Variants in NPIPB4 observed in about 807,000 individuals in gnomAD.
NPIPB4 encodes the protein nuclear pore complex-interacting protein family member B4.
For synonymous variants in NPIPB4, 31 were observed against 194.1 expected, an observed-to-expected ratio of 0.16 and a Z score of 6.99; for missense variants, 105 against 513.7, an observed-to-expected ratio of 0.20 and a Z score of 7.69.
chr16:21,836,531 T>C lies in NPIPB4; in HGVS notation c.1856A>G (p.Lys619Arg). ...SAPPSADDNI[K>R]TPAFHPQRMI... The stretch of plus-strand genomic sequence containing the variant: ...CCGCTGAGGGTGGAAGGCAGGTGTC[T>C]TGATGTTATCATCTGCTGAGGGTGG... The change falls in exon 8 of 8, where the codon AAG becomes AGG. Residue 619 changes from lysine (K) to arginine (R), a missense_variant. Lys to Arg is a conservative substitution (Grantham distance 26). Transcript: ENST00000682606. 1 of 1,475,748 alleles carries C rather than the reference T, an allele frequency of 6.8e-7. No homozygotes were observed. Among genetic ancestry groups the C allele is most frequent in the Non-Finnish European group, 9.0e-7 (1 of 1,116,662 alleles). The allele number at this position is 1,475,748 out of a possible 1,614,324, so 91.4% of individuals were successfully genotyped here.
chr16:21,836,540 T>G lies in NPIPB4; in HGVS notation c.1847A>C (p.Asp616Ala). ...GTGGAAGGCAGGTGTCTTGATGTTA[T>G]CATCTGCTGAGGGTGGAGCTGAGGG... Reference protein sequence around the residue: ...LPPSAPPSADDNIKTPAFHPQ... With the variant: ...LPPSAPPSADANIKTPAFHPQ... Residue 616 changes from aspartate (D) to alanine (A), a missense_variant, in exon 8 of 8, where the codon GAT becomes GCT. Asp to Ala is a moderately radical substitution (Grantham distance 126). Coordinates refer to ENST00000682606, the MANE Select transcript of NPIPB4 (RefSeq NM_001384980.1). 1 of 1,503,568 alleles carries G rather than the reference T, an allele frequency of 6.7e-7. No homozygotes were observed. Among genetic ancestry groups the G allele is most frequent in the Non-Finnish European group, 8.8e-7 (1 of 1,131,656 alleles). 93.1% of individuals were successfully genotyped at this position (1,503,568 alleles called of 1,614,324 possible).
chr16:21,840,697 T>G, intron 5 of NPIPB4: 1 of 436,186 alleles, frequency 2.3e-6, no homozygotes, highest in Non-Finnish European at 3.0e-6. Context: ...TTAGTAAATA[T>G]AAAGACTATT....
intron 5 of NPIPB4, among the ~76,000 whole-genome samples, chr16:21,841,834 AG>A (rs1160350415): frequency 4.7e-5 from 7 of 148,222 alleles, no homozygotes; most frequent in Non-Finnish European, 7.5e-5. Context: ...GAAGCACAGC[AG>A]CTTTTGCACA....
At position 21,837,391 on chromosome 16, in the gene NPIPB4, T is replaced by C; in HGVS notation, c.996A>G (p.Pro332=). The C allele has an allele frequency of 6.9e-7, 1 of 1,457,834 alleles. No homozygotes were observed. The highest frequency in any genetic ancestry group is 8.9e-7 in the Non-Finnish European group (1 of 1,128,786). 90.3% of individuals were successfully genotyped at this position (1,457,834 alleles called of 1,614,324 possible). A position where few individuals can be genotyped will look rare whatever the true frequency, so the allele number is the denominator to read the frequency against. ...TPPECLLTPL[P]PSADDKLKTP... Reference sequence around the variant, plus strand: ...TCTTGAGTTTATCATCCGCTGAGGGTGGAAGGGGAGTGAGGAGACACTCAG... The same window carrying C: ...TCTTGAGTTTATCATCCGCTGAGGGCGGAAGGGGAGTGAGGAGACACTCAG... Residue 332 remains proline (P), a synonymous_variant, in exon 8 of 8, where the codon CCA becomes CCG. Transcript: ENST00000682606.
chr16:21,856,354 A>C (rs1403880717), intron 2 of NPIPB4, among the ~76,000 whole-genome samples: 3 of 8,174 alleles, frequency 3.7e-4, no homozygotes, highest in Admixed American at 1.3e-3. Context: ...TATCTATATA[A>C]ATCTCAAAAA....
intron 2 of NPIPB4, among the ~76,000 whole-genome samples, chr16:21,850,308 T>C (rs201660169): frequency 6.8e-6 from 1 of 147,982 alleles, no homozygotes; most frequent in South Asian, 2.2e-4. Context: ...GAAAGGGGGT[T>C]GGTTTATGCT....
intron 2 of NPIPB4, among the ~76,000 whole-genome samples, chr16:21,850,492 C>A (rs1315108207): frequency 8.6e-5 from 13 of 151,256 alleles, no homozygotes; most frequent in Admixed American, 8.5e-4. Context: ...CTACTAAAAA[C>A]ACAAAAATTA....
At position 21,837,303 on chromosome 16, in the gene NPIPB4, C is replaced by A; in HGVS notation, c.1084G>T (p.Ala362Ser). Residue 362 changes from alanine (A) to serine (S), a missense_variant, in exon 8 of 8, where the codon GCG becomes TCG. Transcript: ENST00000682606. ...GCACGTGTCTTGAGATTATCATCCG[C>A]TGAGGGTGGAGCTGAGGGTAGAGCT... ...PSALPSAPPS[A>S]DDNLKTRAEC... 4.0e-6 allele frequency: 5 copies of A among 1,259,756 alleles called. 2 individuals are homozygous for A. Among genetic ancestry groups the A allele is most frequent in the Non-Finnish European group, 4.0e-6 (4 of 998,980 alleles). 78.0% of individuals were successfully genotyped at this position (1,259,756 alleles called of 1,614,324 possible).
intron 2 of NPIPB4, among the ~76,000 whole-genome samples, chr16:21,850,460 C>T (rs1335546432): frequency 9.3e-4 from 141 of 152,030 alleles, no homozygotes; most frequent in Admixed American, 1.6e-3. Context: ...ACTATCCTGG[C>T]GAACATGGTG....
At chr16:21,850,009 C>A (rs1902350814) in intron 2 of NPIPB4, among the ~76,000 whole-genome samples, 2 of 50,348 alleles carry the variant, frequency 4.0e-5, no homozygotes, top group Admixed American at 2.2e-4. Context: ...CGCCTGTAAT[C>A]CCAACGCTTT....
chr16:21,846,182 GAAAAGAAAAAAAA>G (rs1203614064), intron 3 of NPIPB4, among the ~76,000 whole-genome samples: 4 of 74,606 alleles, frequency 5.4e-5, no homozygotes, highest in African/African-American at 1.7e-4. Flanking sequence ...TTCGGGGTGA[GAAAAGAAAAAAAA>G]AAAAGAAAAA....
chr16:21,856,374 A>G lies in NPIPB4; in HGVS notation c.120+885T>C, dbSNP rs1323127331. 5.6e-4 allele frequency among the ~76,000 whole-genome samples: 3 copies of G among 5,378 alleles called. 1 individual carries two copies. The African/African-American group carries it at 7.2e-3, about 13-fold the overall frequency. The allele number at this position is 5,378 out of a possible 152,430, so 3.5% of individuals were successfully genotyped here. ...ATATAAATCTCAAAAATAAAAGATC[A>G]TTTTTGAGATTATCATTTTAAAAGA... On this transcript the variant is annotated intron_variant, in intron 2 of 7. Coordinates refer to ENST00000682606, the MANE Select transcript of NPIPB4 (RefSeq NM_001384980.1).
intron 2 of NPIPB4, among the ~76,000 whole-genome samples, chr16:21,850,326 G>T (rs1326932988): frequency 6.7e-6 from 1 of 149,076 alleles, no homozygotes; most frequent in Admixed American, 6.7e-5. Flanking sequence ...GCTGGTGTAT[G>T]TACTTTCCAA....
At chr16:21,849,493 A>AAAAAT (rs1902305805) in intron 2 of NPIPB4, among the ~76,000 whole-genome samples, 9 of 78,824 alleles carry the variant, frequency 1.1e-4, no homozygotes, top group Non-Finnish European at 2.0e-4. Flanking sequence ...AAAAAAAAAA[A>AAAAAT]TTATCAAGGT....
Position 21,835,885 on chromosome 16 carries a change from C to CCGCAGA in NPIPB4, c.2496_2501dup (p.Leu833_Arg834dup). 1 of 994,796 alleles carries CCGCAGA rather than the reference C, an allele frequency of 1.0e-6. No homozygotes were observed. The highest frequency in any genetic ancestry group is 1.4e-6 in the Non-Finnish European group (1 of 733,222). The allele number at this position is 994,796 out of a possible 1,614,324, so 61.6% of individuals were successfully genotyped here. A position where few individuals can be genotyped will look rare whatever the true frequency, so the allele number is the denominator to read the frequency against. On this transcript the variant is annotated inframe_insertion, in exon 8 of 8. Coordinates refer to ENST00000682606, the MANE Select transcript of NPIPB4 (RefSeq NM_001384980.1). ...CATCCGCTGAGGGTGGAAGCGGCCCCCGCAGACGCTCCCCGCAGACGCTCG... is the reference window on the plus strand; with the variant it reads ...CATCCGCTGAGGGTGGAAGCGGCCCCCGCAGACGCAGACGCTCCCCGCAGACGCTCG...
chr16:21,850,436 G>C lies in NPIPB4; in HGVS notation c.121-2895C>G, dbSNP rs1450989783. On this transcript the variant is annotated intron_variant, in intron 2 of 7. Transcript: ENST00000682606. ...GAGGCTGAGGCAGGCAGATCACGAG[G>C]TCAAGAGATGGAGACTATCCTGGCG... Among the ~76,000 whole-genome samples the C allele has an allele frequency of 3.9e-5, 6 of 152,058 alleles. No individual in the cohort carries two copies. In the South Asian group the frequency reaches 1.2e-3, roughly 32 times the overall value.
chr16:21,850,598 A>G (rs1176635760), intron 2 of NPIPB4, among the ~76,000 whole-genome samples: 4 of 134,424 alleles, frequency 3.0e-5, no homozygotes, highest in Non-Finnish European at 4.7e-5. Context: ...CTTGAACCCC[A>G]GAAGCGGAGG....
intron 2 of NPIPB4, among the ~76,000 whole-genome samples, chr16:21,850,003 T>TAGCATTAAAAAA: frequency 4.7e-5 from 1 of 21,364 alleles, no homozygotes. Flanking sequence ...GGTTCACGCC[T>TAGCATTAAAAAA]GTAATCCCAA....
At chr16:21,842,051 C>G (rs1043469974) in intron 5 of NPIPB4, among the ~76,000 whole-genome samples, 1 of 151,176 alleles carries the variant, frequency 6.6e-6, no homozygotes, top group African/African-American at 2.4e-5. Context: ...GACCATCCCC[C>G]AGAAGTAGAC....
Sources: gnomAD v4.1 joint callset for allele counts (sites outside exome capture counted in the v4.1 genomes callset) on GRCh38, gnomAD v4.1.1 for gene constraint, MANE v1.5 for transcripts, NCBI Gene and HGNC (gene_info 2026-07-23, HGNC 2026-07-21) for gene names.